Variants in PITPNM2 observed in about 807,000 individuals in gnomAD.
The protein encoded by PITPNM2 is membrane-associated phosphatidylinositol transfer protein 2.
In PITPNM2, 35 loss-of-function variants were observed where a neutral mutation model predicts 132.2. That is an observed-to-expected ratio of 0.26 (90% confidence interval 0.20 to 0.35). The LOEUF (loss-of-function observed/expected upper bound fraction) is 0.35. Among genes scored for constraint, PITPNM2 ranks in the 10% least tolerant of loss-of-function variants. The probability of loss-of-function intolerance (pLI) is 1.00; values close to 1 mark genes in which losing one functional copy is unlikely to be tolerated. For synonymous variants in PITPNM2, 738 were observed against 799.2 expected (o/e 0.92, Z 1.29); for missense variants, 1,332 against 1,912.0 (o/e 0.70, Z 5.66).
chr12:123,144,904 G>T (rs2043580777), intron 1 of PITPNM2, among the ~76,000 whole-genome samples: 1 of 152,208 alleles, frequency 6.6e-6, no homozygotes, highest in African/African-American at 2.4e-5. Flanking sequence ...ATTACATATG[G>T]ATTGGTTAAA....
intron 2 of PITPNM2, among the ~76,000 whole-genome samples, chr12:123,045,148 C>T (rs1030794428): frequency 3.3e-5 from 5 of 152,224 alleles, no homozygotes; most frequent in Non-Finnish European, 7.3e-5. Context: ...TAATGGACCT[C>T]CTCATTCACC....
At chr12:123,145,129 T>C (rs1479282943) in intron 1 of PITPNM2, among the ~76,000 whole-genome samples, 2 of 152,014 alleles carry the variant, frequency 1.3e-5, no homozygotes, top group East Asian at 1.9e-4. Context: ...TGAGCAATGA[T>C]TGCACCACTG....
Position 123,078,015 on chromosome 12 carries a change from C to G in PITPNM2, c.-96+32370G>C, listed in dbSNP as rs1331176001. On this transcript the variant is annotated intron_variant, in intron 2 of 25. Coordinates refer to ENST00000320201, the MANE Select transcript of PITPNM2 (RefSeq NM_020845.3). The surrounding 1 kb of genome is among the most constrained non-coding windows in gnomAD (Gnocchi z 7.3). ...GGACACTGAGGAGCACGCGTGTCCC[C>G]AGGATGGGTGGACGGAGGAGCTGGG... Among the ~76,000 whole-genome samples the G allele has an allele frequency of 1.3e-5, 2 of 151,814 alleles. No individual in the cohort carries two copies. Among genetic ancestry groups the G allele is most frequent in the Admixed American group, 6.6e-5 (1 of 15,260 alleles).
In PITPNM2 at chr12:123,150,992, C is replaced by T. The variant is rs1396778500; in HGVS notation, c.-439G>A. Among the ~76,000 whole-genome samples the T allele has an allele frequency of 2.1e-5, 3 of 145,486 alleles. No individual in the cohort carries two copies. Among genetic ancestry groups the T allele is most frequent in the Non-Finnish European group, 4.6e-5 (3 of 65,506 alleles). ...GGCGGGCGGCTCTCGCTGAGGCGGC[C>T]GCGAGCTGAGAAGGAAGCGCCGGGC... On this transcript the variant is annotated 5_prime_UTR_variant, in exon 1 of 26. Coordinates refer to ENST00000320201, the MANE Select transcript of PITPNM2 (RefSeq NM_020845.3). This position sits in a 1 kb window ranked among gnomAD's most constrained non-coding sequence, Gnocchi z 6.0.
At chr12:123,017,559 T>C (rs2039477128) in intron 3 of PITPNM2, among the ~76,000 whole-genome samples, 1 of 152,224 alleles carries the variant, frequency 6.6e-6, no homozygotes, top group African/African-American at 2.4e-5. Context: ...GAAAAACCTG[T>C]ACACCAATGT....
chr12:123,022,376 C>T lies in PITPNM2; in HGVS notation c.79-8334G>A, dbSNP rs758314056. 9.9e-5 allele frequency among the ~76,000 whole-genome samples: 15 copies of T among 152,102 alleles called. No homozygotes were observed. The highest frequency in any genetic ancestry group is 1.8e-4 in the Non-Finnish European group (12 of 68,024). On this transcript the variant is annotated intron_variant, in intron 3 of 25. Coordinates refer to ENST00000320201, the MANE Select transcript of PITPNM2 (RefSeq NM_020845.3). The surrounding 1 kb of genome is among the most constrained non-coding windows in gnomAD (Gnocchi z 4.9). ...AGACCCACAGAGCATCAGACACCAG[C>T]GCTCCTCGTGCACACTAGGGCTGAG...
At chr12:123,062,297 G>A (rs981237621) in intron 2 of PITPNM2, among the ~76,000 whole-genome samples, 1 of 152,168 alleles carries the variant, frequency 6.6e-6, no homozygotes, top group Non-Finnish European at 1.5e-5. Context: ...TCTGTAAAGG[G>A]AGGTGGTAAT....
intron 25 of PITPNM2, 36 bp from the exon 26 acceptor site, chr12:122,986,386 G>A (rs879072656): frequency 1.3e-6 from 2 of 1,569,692 alleles, no homozygotes; most frequent in South Asian, 2.3e-5. Flanking sequence ...CACAGGCTGG[G>A]GCTCCCCGAG....
rs1389206837 is a variant in PITPNM2 at position 123,087,729 on chromosome 12, C to G, written c.-96+22656G>C. ...AAACTCCTGGGCTCAGGCAATCCTCCCACCTCAGCCTCCCAAGTAGTTGGG... is the reference window on the plus strand; with the variant it reads ...AAACTCCTGGGCTCAGGCAATCCTCGCACCTCAGCCTCCCAAGTAGTTGGG... On this transcript the variant is annotated intron_variant, in intron 2 of 25. Coordinates refer to ENST00000320201, the MANE Select transcript of PITPNM2 (RefSeq NM_020845.3). 2.6e-5 allele frequency: 4 copies of G among 152,170 alleles called. No homozygotes were observed. The East Asian group carries it at 7.7e-4, about 29-fold the overall frequency. The allele number at this position is 152,170 out of a possible 1,614,324, so 9.4% of individuals were successfully genotyped here.
chr12:123,127,736 A>C (rs1253789956), intron 1 of PITPNM2, among the ~76,000 whole-genome samples: 1 of 151,786 alleles, frequency 6.6e-6, no homozygotes, highest in Non-Finnish European at 1.5e-5. Context: ...CAGCCTCCCA[A>C]GTAGCTGGGA....
Position 123,000,690 on chromosome 12 carries a change from C to T in PITPNM2, c.1224+88G>A. Reference sequence around the variant, plus strand: ...GGTGAGGCTGCCAGGCCCAGAGTTCCACCTCTGTAACCCCTCAGACTATTC... The same window carrying T: ...GGTGAGGCTGCCAGGCCCAGAGTTCTACCTCTGTAACCCCTCAGACTATTC... On this transcript the variant is annotated intron_variant, in intron 10 of 25. Transcript: ENST00000320201. The surrounding 1 kb of genome is among the most constrained non-coding windows in gnomAD (Gnocchi z 5.4). The T allele has an allele frequency of 7.0e-7, 1 of 1,424,700 alleles. No individual in the cohort carries two copies. The highest frequency in any genetic ancestry group is 9.7e-7 in the Non-Finnish European group (1 of 1,030,818). The allele number at this position is 1,424,700 out of a possible 1,614,324, so 88.3% of individuals were successfully genotyped here.
At chr12:122,987,967 C>T in intron 20 of PITPNM2, 66 bp from the exon 21 acceptor site, 3 of 1,423,322 alleles carry the variant, frequency 2.1e-6, no homozygotes, top group Admixed American at 1.9e-5. Context: ...GTGTTCTGCT[C>T]AAGCTCTGTG....
chr12:123,000,769 G>A lies in PITPNM2; in HGVS notation c.1224+9C>T, dbSNP rs758424255. 13 of 1,613,692 alleles carry A rather than the reference G, an allele frequency of 8.1e-6. No homozygotes were observed. The highest frequency in any genetic ancestry group is 1.3e-5 in the African/African-American group (1 of 74,930). ...CATGCCCCTGTCCCTCTGACACCCG[G>A]GCACCCACCTCTATGATGTTCAGCT... is the stretch of plus-strand genomic sequence containing the variant. On this transcript the variant is annotated intron_variant, in intron 10 of 25. Transcript: ENST00000320201. The surrounding 1 kb of genome is among the most constrained non-coding windows in gnomAD (Gnocchi z 5.4).
intron 2 of PITPNM2, among the ~76,000 whole-genome samples, chr12:123,048,801 G>A (rs2040759434): frequency 6.6e-6 from 1 of 152,162 alleles, no homozygotes; most frequent in Non-Finnish European, 1.5e-5. Flanking sequence ...ATATAACAGT[G>A]TGAATGTCCT....
At chr12:123,032,151 C>T (rs184376178) in intron 3 of PITPNM2, among the ~76,000 whole-genome samples, 8 of 152,354 alleles carry the variant, frequency 5.3e-5, no homozygotes, top group Admixed American at 4.6e-4. Context: ...TTAACAGTTA[C>T]ATTCATTCGA....
intron 2 of PITPNM2, among the ~76,000 whole-genome samples, chr12:123,093,713 G>A (rs1177093077): frequency 6.6e-6 from 1 of 152,230 alleles, no homozygotes; most frequent in East Asian, 1.9e-4. Context: ...TGGAGCTAGA[G>A]GCCACAGAAG....
intron 3 of PITPNM2, among the ~76,000 whole-genome samples, chr12:123,030,633 C>A (rs961760877): frequency 2.6e-5 from 4 of 150,966 alleles, no homozygotes; most frequent in African/African-American, 9.8e-5. Flanking sequence ...GCGGAGCTTG[C>A]AGTGAGCTGA....
At position 123,055,828 on chromosome 12, in the gene PITPNM2, C is replaced by T. The variant is rs181034753; in HGVS notation, c.-95-21143G>A. ...GCAGAAGCAAACAGGGCAGAGGGAA[C>T]GGTGACTCCCCACAAGCCCCCTCCA... On this transcript the variant is annotated intron_variant, in intron 2 of 25. Coordinates refer to ENST00000320201, the MANE Select transcript of PITPNM2 (RefSeq NM_020845.3). Among the ~76,000 whole-genome samples the T allele has an allele frequency of 4.7e-3, 722 of 152,110 alleles. 7 individuals carry two copies. Among genetic ancestry groups the T allele is most frequent in the African/African-American group, 0.015 (640 of 41,486 alleles).
At position 122,988,317 on chromosome 12, in the gene PITPNM2, G is replaced by C; in HGVS notation, c.2914C>G (p.Leu972Val). 1.2e-6 allele frequency: 2 copies of C among 1,613,458 alleles called. No individual in the cohort carries two copies. Among genetic ancestry groups the C allele is most frequent in the Non-Finnish European group, 1.7e-6 (2 of 1,179,992 alleles). Reference protein sequence around the residue: ...MRHDNSSILELDGKEVSVFTP... With the variant: ...MRHDNSSILEVDGKEVSVFTP... ...AACACCGACACTTCCTTGCCATCCA[G>C]CTCCAAGATGCTGGAGTTGTCATGC... Residue 972 changes from leucine to valine, a missense_variant, in exon 20 of 26, where the codon CTG becomes GTG. Around this residue, in one of 6 missense-constraint regions of PITPNM2, gnomAD observed 251 missense variants for 472.0 expected, o/e 0.53. Coordinates refer to ENST00000320201, the MANE Select transcript of PITPNM2 (RefSeq NM_020845.3).
Sources: allele counts gnomAD v4.1 joint callset (sites outside exome capture counted in the v4.1 genomes callset), GRCh38; gene constraint gnomAD v4.1.1; regional missense constraint gnomAD v4.1.1; non-coding constraint Gnocchi (gnomAD v3.1); transcripts MANE v1.5; gene names NCBI Gene and HGNC (gene_info 2026-07-23, HGNC 2026-07-21).